Variants in PTPRG observed in about 807,000 individuals in gnomAD.
PTPRG encodes receptor-type tyrosine-protein phosphatase gamma.
A neutral mutation model predicts 165.3 loss-of-function variants in PTPRG; 102 were observed. That is an observed-to-expected ratio of 0.62 (90% CI 0.53 to 0.73). PTPRG has a LOEUF of 0.73. PTPRG is among the 30% of genes least tolerant of loss of function. The pLI is 0.00. For synonymous variants in PTPRG, 675 were observed against 669.5 expected, an observed-to-expected ratio of 1.01 and a Z score of -0.13; for missense variants, 1,866 against 1,861.4, an observed-to-expected ratio of 1.00 and a Z score of -0.05.
intron 1 of PTPRG, among the ~76,000 whole-genome samples, chr3:61,667,448 G>T (rs897597537): frequency 7.2e-5 from 11 of 152,118 alleles, no homozygotes; most frequent in African/African-American, 2.4e-4. Context: ...CCATTAATTA[G>T]ATTTAAAATG....
At chr3:62,050,010 A>C (rs374610061) in intron 4 of PTPRG, among the ~76,000 whole-genome samples, 176 of 152,352 alleles carry the variant, frequency 1.2e-3, no homozygotes, top group South Asian at 5.6e-3. Context: ...CTGGAAAATC[A>C]AGCTTGTTGA....
intron 5 of PTPRG, among the ~76,000 whole-genome samples, chr3:62,095,380 CA>C (rs1193178586): frequency 6.6e-5 from 10 of 152,144 alleles, no homozygotes; most frequent in African/African-American, 2.4e-4. Flanking sequence ...CTCTGGGATA[CA>C]AATGACAGCA....
chr3:61,873,460 A>G (rs1349308899), intron 2 of PTPRG, among the ~76,000 whole-genome samples: 1 of 152,196 alleles, frequency 6.6e-6, no homozygotes, highest in Non-Finnish European at 1.5e-5. Context: ...ATAGCAAAAT[A>G]CGGAATCTTA....
At chr3:61,872,447 T>C (rs917771191) in intron 2 of PTPRG, among the ~76,000 whole-genome samples, 4 of 152,214 alleles carry the variant, frequency 2.6e-5, no homozygotes, top group African/African-American at 9.6e-5. Flanking sequence ...CAGTAACTTG[T>C]GATCTTGGAC....
At chr3:61,998,573 A>G (rs1282195118) in intron 3 of PTPRG, among the ~76,000 whole-genome samples, 2 of 152,240 alleles carry the variant, frequency 1.3e-5, no homozygotes, top group Non-Finnish European at 2.9e-5. Context: ...CTTACTGGCT[A>G]CAGAGTCCAG....
intron 4 of PTPRG, among the ~76,000 whole-genome samples, chr3:62,064,047 T>G (rs546183965): frequency 3.9e-5 from 6 of 152,332 alleles, no homozygotes; most frequent in African/African-American, 1.4e-4. Flanking sequence ...ATCTATTAGA[T>G]TCACCCTCTT....
At chr3:62,021,863 T>C (rs1478326476) in intron 4 of PTPRG, among the ~76,000 whole-genome samples, 1 of 150,298 alleles carries the variant, frequency 6.7e-6, no homozygotes, top group East Asian at 1.9e-4. Flanking sequence ...TTTTCTTTTT[T>C]TTTTTTTTTT....
At chr3:61,664,251 G>A (rs1039616725) in intron 1 of PTPRG, among the ~76,000 whole-genome samples, 1 of 151,988 alleles carries the variant, frequency 6.6e-6, no homozygotes, top group East Asian at 1.9e-4. Flanking sequence ...CACGCCCCTC[G>A]CATTTTTAAG....
chr3:61,761,747 C>T (rs956037479), intron 2 of PTPRG, among the ~76,000 whole-genome samples: 2 of 152,150 alleles, frequency 1.3e-5, no homozygotes, highest in African/African-American at 2.4e-5. Flanking sequence ...TCTGTTGATC[C>T]ACATTCTTCC....
chr3:61,665,267 CT>C (rs1702778965), intron 1 of PTPRG, among the ~76,000 whole-genome samples: 1 of 152,124 alleles, frequency 6.6e-6, no homozygotes, highest in Non-Finnish European at 1.5e-5. Flanking sequence ...CAGTACTCGC[CT>C]ATCAGTATTT....
intron 4 of PTPRG, among the ~76,000 whole-genome samples, chr3:62,012,974 G>C (rs1417518027): frequency 6.6e-6 from 1 of 151,870 alleles, no homozygotes; most frequent in East Asian, 1.9e-4. Flanking sequence ...AATACTATCT[G>C]GTAAAAATAT....
At chr3:61,821,243 C>T (rs1179443811) in intron 2 of PTPRG, among the ~76,000 whole-genome samples, 1 of 151,794 alleles carries the variant, frequency 6.6e-6, no homozygotes, top group African/African-American at 2.4e-5. Context: ...GATCTTGGCT[C>T]ACTGCAAGCT....
chr3:61,752,866 A>C (rs561452928), intron 2 of PTPRG, among the ~76,000 whole-genome samples: 1 of 150,398 alleles, frequency 6.6e-6, no homozygotes, highest in African/African-American at 2.4e-5. Context: ...TTTTTAGCAG[A>C]TGTTAGTCTG....
At chr3:62,180,097 T>C (rs1559611118) in intron 8 of PTPRG, among the ~76,000 whole-genome samples, 1 of 152,286 alleles carries the variant, frequency 6.6e-6, no homozygotes, top group East Asian at 1.9e-4. Context: ...GGAAAACAAA[T>C]GAGGGCACCT....
chr3:61,887,728 A>T (rs2038091795), intron 2 of PTPRG, among the ~76,000 whole-genome samples: 1 of 152,180 alleles, frequency 6.6e-6, no homozygotes, highest in African/African-American at 2.4e-5. Flanking sequence ...TTAAAAAAAA[A>T]AAAAGGCTGA....
At chr3:62,040,060 G>C (rs917842226) in intron 4 of PTPRG, among the ~76,000 whole-genome samples, 3 of 152,180 alleles carry the variant, frequency 2.0e-5, no homozygotes, top group Non-Finnish European at 4.4e-5. Context: ...CCAGCTCTAA[G>C]TCTTTAATAT....
intron 2 of PTPRG, among the ~76,000 whole-genome samples, chr3:61,972,030 A>G (rs944151335): frequency 6.6e-6 from 1 of 152,284 alleles, no homozygotes; most frequent in Non-Finnish European, 1.5e-5. Context: ...CAATATACGA[A>G]ACAAATAAAT....
At chr3:61,997,204 C>T (rs939142504) in intron 3 of PTPRG, among the ~76,000 whole-genome samples, 1 of 152,218 alleles carries the variant, frequency 6.6e-6, no homozygotes, top group African/African-American at 2.4e-5. Flanking sequence ...TACTGGATTA[C>T]TGCTATCAGC....
chr3:62,110,089 C>CTTTTTTTTT (rs371457716), intron 5 of PTPRG, among the ~76,000 whole-genome samples: 33 of 79,978 alleles, frequency 4.1e-4, no homozygotes, highest in Non-Finnish European at 4.8e-4. Context: ...GAAATAATGG[C>CTTTTTTTTT]TTTTTTTTTT....
Sources: allele counts gnomAD v4.1 joint callset (sites outside exome capture counted in the v4.1 genomes callset), GRCh38; gene constraint gnomAD v4.1.1; transcripts MANE v1.5; gene names NCBI Gene and HGNC (gene_info 2026-07-23, HGNC 2026-07-21).